Variants in NFIA observed in about 807,000 individuals in gnomAD.
NFIA encodes the protein nuclear factor I A, also known as nuclear factor 1 A-type.
In NFIA, 8 loss-of-function variants were observed where a neutral mutation model predicts 62.8. The observed-to-expected ratio is 0.13, with a 90% CI of 0.07 to 0.23. The LOEUF is 0.23. NFIA is among the 10% of genes least tolerant of loss of function. The pLI is 1.00. For missense variants in NFIA, 410 were observed against 642.1 expected, an observed-to-expected ratio of 0.64 and a Z score of 3.91; for synonymous variants, 235 against 238.1, an observed-to-expected ratio of 0.99 and a Z score of 0.12.
chr1:61,102,691 C>T (rs1266872208), intron 2 of NFIA, among the ~76,000 whole-genome samples: 3 of 151,940 alleles, frequency 2.0e-5, no homozygotes, highest in Non-Finnish European at 4.4e-5. Context: ...GCAGTATTAC[C>T]ATTAACATCT....
At chr1:61,079,519 G>A (rs1179495034), upstream of NFIA, among the ~76,000 whole-genome samples, 1 of 152,226 alleles carries the variant, frequency 6.6e-6, no homozygotes, top group Non-Finnish European at 1.5e-5. Context: ...ATAGCAGAGA[G>A]CATGACAGGA....
At chr1:61,285,680 G>A (rs1294468705) in intron 3 of NFIA, among the ~76,000 whole-genome samples, 1 of 152,108 alleles carries the variant, frequency 6.6e-6, no homozygotes, top group Admixed American at 6.5e-5. Flanking sequence ...GGAGGGTAGG[G>A]GGCACTATTT....
chr1:61,311,209 T>A (rs1021479193), intron 3 of NFIA, among the ~76,000 whole-genome samples: 1 of 152,056 alleles, frequency 6.6e-6, no homozygotes. Context: ...CTGACCAACA[T>A]GGAGAAACCC....
intron 2 of NFIA, among the ~76,000 whole-genome samples, chr1:61,198,022 G>C (rs1257924077): frequency 6.6e-6 from 1 of 152,090 alleles, no homozygotes; most frequent in Non-Finnish European, 1.5e-5. Flanking sequence ...GAAAGAGAAA[G>C]AACGAACAGA....
At chr1:61,273,756 C>T (rs1185271329) in intron 2 of NFIA, among the ~76,000 whole-genome samples, 2 of 152,140 alleles carry the variant, frequency 1.3e-5, no homozygotes, top group African/African-American at 4.8e-5. Flanking sequence ...ATTAATCACA[C>T]TGTAAGAGAT....
chr1:61,125,670 TAGCAAGCATATTATACCTA>T (rs1246421860), intron 2 of NFIA, among the ~76,000 whole-genome samples: 1 of 152,214 alleles, frequency 6.6e-6, no homozygotes, highest in African/African-American at 2.4e-5. Context: ...TGGAATGAGC[TAGCAAGCATATTATACCTA>T]AGAAGAAAAA....
intron 2 of NFIA, among the ~76,000 whole-genome samples, chr1:61,236,548 A>G (rs1655026880): frequency 6.6e-6 from 1 of 152,226 alleles, no homozygotes; most frequent in South Asian, 2.1e-4. Context: ...TTGTAGGGCT[A>G]ACAAACACCT....
At chr1:61,381,100 GAA>G (rs71582641) in intron 6 of NFIA, among the ~76,000 whole-genome samples, 1 of 134,892 alleles carries the variant, frequency 7.4e-6, no homozygotes. Flanking sequence ...TCCATTATCT[GAA>G]AAAAAAAAAA....
intron 10 of NFIA, among the ~76,000 whole-genome samples, chr1:61,453,160 C>T (rs1341748281): frequency 6.6e-6 from 1 of 151,990 alleles, no homozygotes; most frequent in Non-Finnish European, 1.5e-5. Flanking sequence ...AGAATAAATA[C>T]TTCAATGTGT....
At chr1:61,340,145 A>G (rs1661820940) in intron 4 of NFIA, among the ~76,000 whole-genome samples, 1 of 152,172 alleles carries the variant, frequency 6.6e-6, no homozygotes, top group Non-Finnish European at 1.5e-5. Flanking sequence ...GAAGCTTCTG[A>G]TAAATTTACC....
At chr1:61,347,864 T>A (rs1417544667) in intron 4 of NFIA, among the ~76,000 whole-genome samples, 1 of 152,182 alleles carries the variant, frequency 6.6e-6, no homozygotes, top group African/African-American at 2.4e-5. Flanking sequence ...GGTTTTGAGG[T>A]CAGTATCCTT....
At chr1:61,119,569 G>T (rs1459808132) in intron 2 of NFIA, among the ~76,000 whole-genome samples, 1 of 152,146 alleles carries the variant, frequency 6.6e-6, no homozygotes, top group African/African-American at 2.4e-5. Flanking sequence ...TAAATAATTT[G>T]TATGACTGAA....
intron 2 of NFIA, among the ~76,000 whole-genome samples, chr1:61,089,862 G>A (rs974552816): frequency 2.0e-5 from 3 of 152,016 alleles, no homozygotes; most frequent in African/African-American, 7.2e-5. Context: ...GAGAACTTTT[G>A]TTATCCATCT....
chr1:61,399,445 C>T (rs1172685443), intron 7 of NFIA, among the ~76,000 whole-genome samples: 14 of 152,100 alleles, frequency 9.2e-5, no homozygotes, highest in Admixed American at 5.2e-4. Flanking sequence ...CAAAAGCTAA[C>T]GTGAAAAGAA....
chr1:61,423,456 A>G (rs1666725107), intron 9 of NFIA, among the ~76,000 whole-genome samples: 2 of 151,942 alleles, frequency 1.3e-5, no homozygotes, highest in Admixed American at 6.6e-5. Flanking sequence ...CCAGAAAACT[A>G]TTTTCTGGAT....
intron 2 of NFIA, among the ~76,000 whole-genome samples, chr1:61,230,324 G>A (rs988829099): frequency 6.6e-6 from 1 of 152,106 alleles, no homozygotes; most frequent in Admixed American, 6.5e-5. Flanking sequence ...ACTGTGAAGT[G>A]GGTGTTCTGA....
intron 9 of NFIA, among the ~76,000 whole-genome samples, chr1:61,423,902 G>A (rs565713769): frequency 6.6e-6 from 1 of 151,964 alleles, no homozygotes; most frequent in African/African-American, 2.4e-5. Flanking sequence ...GCTTTCTATG[G>A]AATAAACTTG....
At chr1:61,115,533 C>A (rs1646780067) in intron 2 of NFIA, among the ~76,000 whole-genome samples, 1 of 152,194 alleles carries the variant, frequency 6.6e-6, no homozygotes, top group Admixed American at 6.5e-5. Context: ...TAAAGCAGGG[C>A]CTCGAAGGTT....
chr1:61,275,249 A>G (rs555577587), intron 2 of NFIA, among the ~76,000 whole-genome samples: 1 of 152,200 alleles, frequency 6.6e-6, no homozygotes, highest in African/African-American at 2.4e-5. Context: ...GTGGCTTGGA[A>G]TTTTAAACTT....
Sources: allele counts gnomAD v4.1 joint callset (sites outside exome capture counted in the v4.1 genomes callset), GRCh38; gene constraint gnomAD v4.1.1; transcripts MANE v1.5; gene names NCBI Gene and HGNC (gene_info 2026-07-23, HGNC 2026-07-21).